Variants in MAPK8IP3 observed in about 807,000 individuals in gnomAD.
MAPK8IP3 encodes mitogen-activated protein kinase 8 interacting protein 3, also known as C-Jun-amino-terminal kinase-interacting protein 3.
In MAPK8IP3, 49 loss-of-function variants were observed where a neutral mutation model predicts 157.8. The ratio of observed to expected loss-of-function variants is 0.31; its 90% confidence interval spans 0.25 to 0.39. The LOEUF is 0.39. Among genes scored for constraint, MAPK8IP3 ranks in the 10% least tolerant of loss-of-function variants. The probability of loss-of-function intolerance (pLI) is 1.00; values close to 1 mark genes in which losing one functional copy is unlikely to be tolerated. For missense variants in MAPK8IP3, 1,478 were observed against 1,889.4 expected, an observed-to-expected ratio of 0.78 and a Z score of 4.04; for synonymous variants, 897 against 777.7, an observed-to-expected ratio of 1.15 and a Z score of -2.55.
intron 4 of MAPK8IP3, among the ~76,000 whole-genome samples, chr16:1,738,874 ACCAT>A (rs777520611): frequency 1.8e-4 from 23 of 124,342 alleles, no homozygotes; most frequent in South Asian, 2.8e-4. Context: ...TGTGAGTGTG[ACCAT>A]CCATGTGAGC....
intron 8 of MAPK8IP3, among the ~76,000 whole-genome samples, chr16:1,750,738 C>T (rs1033466909): frequency 2.6e-5 from 4 of 151,696 alleles, no homozygotes; most frequent in African/African-American, 9.7e-5. Context: ...TCTGCCTTCC[C>T]GGGTTGAAGC....
chr16:1,733,629 C>T (rs1335211685), intron 4 of MAPK8IP3, among the ~76,000 whole-genome samples: 3 of 152,210 alleles, frequency 2.0e-5, no homozygotes, highest in African/African-American at 4.8e-5. Flanking sequence ...CTGGGCGCCG[C>T]CCCCGTCCCT....
At chr16:1,749,370 C>T (rs1463564771) in intron 8 of MAPK8IP3, among the ~76,000 whole-genome samples, 2 of 152,178 alleles carry the variant, frequency 1.3e-5, no homozygotes, top group East Asian at 1.9e-4. Context: ...GGAGGGTGCC[C>T]GCTTCTCTGC....
Position 1,743,634 on chromosome 16 carries a change from TGTCAGGGGCTCA to T in MAPK8IP3, c.747+160_747+171del. On this transcript the variant is annotated intron_variant, in intron 5 of 31. Transcript: ENST00000610761. The surrounding 1 kb of genome is among the most constrained non-coding windows in gnomAD (Gnocchi z 5.6). ...GCAGGATGGAGAAACCCAGCCAGGG[TGTCAGGGGCTCA>T]GGCTGCCCAGCAGGCCCTGTGTGGC... is the stretch of plus-strand genomic sequence containing the variant. 6.9e-7 allele frequency: 1 copy of T among 1,445,994 alleles called. No individual in the cohort carries two copies. Among genetic ancestry groups the T allele is most frequent in the Non-Finnish European group, 9.0e-7 (1 of 1,107,222 alleles). The allele number at this position is 1,445,994 out of a possible 1,614,324, so 89.6% of individuals were successfully genotyped here.
In MAPK8IP3 at chr16:1,743,398, C is replaced by T. The variant is rs755264201; in HGVS notation, c.669C>T (p.Ile223=). 1.2e-5 allele frequency: 19 copies of T among 1,609,594 alleles called. No homozygotes were observed. The highest frequency in any genetic ancestry group is 5.0e-5 in the Admixed American group (3 of 59,550). Residue 223 remains isoleucine, a synonymous_variant, in exon 5 of 32, where the codon ATC becomes ATT. Transcript: ENST00000610761. The surrounding 1 kb of genome is among the most constrained non-coding windows in gnomAD (Gnocchi z 5.6). ...CTGACGGCACGGTACGTGCACAGAT[C>T]GGGGGCAAGCTCGTGCCTGCGGGGG... is the stretch of plus-strand genomic sequence containing the variant. ...PLADGTVRAQ[I]GGKLVPAGDH... is the part of the protein sequence containing the mutation.
At chr16:1,748,542 G>T in intron 7 of MAPK8IP3, 60 bp from the exon 8 acceptor site, 1 of 1,397,374 alleles carries the variant, frequency 7.2e-7, no homozygotes, top group African/African-American at 1.4e-5. Flanking sequence ...GTCTGCAGAC[G>T]CAGCCACTCC....
chr16:1,766,090 G>T lies in MAPK8IP3; in HGVS notation c.2577G>T (p.Pro859=), dbSNP rs777435050. ...GCTGTGCCACCCGCTGCAACGTGCC[G>T]CGGAGCAACTGCTCCTCCCGAGGGG... ...LVGCATRCNV[P]RSNCSSRGDT... is the part of the protein sequence containing the mutation. Residue 859 remains proline, a synonymous_variant, in exon 21 of 32, where the codon CCG becomes CCT. Transcript: ENST00000610761. 1 of 1,612,640 alleles carries T rather than the reference G, an allele frequency of 6.2e-7. No individual in the cohort carries two copies. Among genetic ancestry groups the T allele is most frequent in the Non-Finnish European group, 8.5e-7 (1 of 1,179,930 alleles).
chr16:1,706,802 G>C lies in MAPK8IP3; in HGVS notation c.318+145G>C. 1.3e-6 allele frequency: 1 copy of C among 787,198 alleles called. No homozygotes were observed. Among genetic ancestry groups the C allele is most frequent in the Non-Finnish European group, 1.8e-6 (1 of 541,538 alleles). The allele number at this position is 787,198 out of a possible 1,614,324, so 48.8% of individuals were successfully genotyped here. ...CCTGGACCCCCAGACCCCGCCCCGA[G>C]ACCCGCCTGGACCCCATATCCCCCG... On this transcript the variant is annotated intron_variant, in intron 1 of 31. Coordinates refer to ENST00000610761, the MANE Select transcript of MAPK8IP3 (RefSeq NM_001318852.2). The surrounding 1 kb of genome is among the most constrained non-coding windows in gnomAD (Gnocchi z 5.1).
In MAPK8IP3 at chr16:1,768,847, A is replaced by G. The variant is rs761546661; in HGVS notation, c.*23A>G. On this transcript the variant is annotated 3_prime_UTR_variant, in exon 32 of 32. Coordinates refer to ENST00000610761, the MANE Select transcript of MAPK8IP3 (RefSeq NM_001318852.2). The stretch of plus-strand genomic sequence containing the variant: ...TGAAGCTGCTGCCCTGCCTGGCCCG[A>G]CCTGTACATAGGACCCCCGACCACC... 3 of 1,609,674 alleles carry G rather than the reference A, an allele frequency of 1.9e-6. No homozygotes were observed. In the Admixed American group the frequency reaches 5.0e-5, roughly 27 times the overall value.
In MAPK8IP3 at chr16:1,767,904, T is replaced by C; in HGVS notation, c.3509T>C (p.Ile1170Thr). Reference protein sequence around the residue: ...VGTGNGVVISIPLTETVVLHR... With the variant: ...VGTGNGVVISTPLTETVVLHR... ...ACCGGCAACGGAGTGGTCATCTCCA[T>C]CCCCCTGACAGAGAGTGAGTGGCCT... Residue 1170 changes from isoleucine (I) to threonine (T), a missense_variant, in exon 28 of 32, where the codon ATC becomes ACC. Transcript: ENST00000610761. 1 of 1,610,726 alleles carries C rather than the reference T, an allele frequency of 6.2e-7. No individual in the cohort carries two copies. The highest frequency in any genetic ancestry group is 1.7e-5 in the Admixed American group (1 of 60,004).
chr16:1,708,700 G>A (rs939886261), intron 1 of MAPK8IP3, among the ~76,000 whole-genome samples: 2 of 152,084 alleles, frequency 1.3e-5, no homozygotes, highest in African/African-American at 2.4e-5. Context: ...CATTGCCCCA[G>A]CGCTTTAGAG....
chr16:1,707,702 G>C (rs1013872971), intron 1 of MAPK8IP3: 1 of 152,180 alleles, frequency 6.6e-6, no homozygotes, highest in Non-Finnish European at 1.5e-5. Context: ...CGCCTGCCTG[G>C]GGTTCGATTT....
Position 1,737,516 on chromosome 16 carries a change from G to A in MAPK8IP3, c.603-5816G>A, listed in dbSNP as rs200307061. ...TGAGCGTCCGTGTGAGCGTGTGACC[G>A]TCCGTGTGAGTGTGTGACCATTCGT... On this transcript the variant is annotated intron_variant, in intron 4 of 31. Transcript: ENST00000610761. Among the ~76,000 whole-genome samples the A allele has an allele frequency of 9.0e-4, 81 of 89,840 alleles. 6 individuals carry two copies. In the East Asian group the frequency reaches 0.016, roughly 18 times the overall value. 58.9% of individuals were successfully genotyped at this position (89,840 alleles called of 152,430 possible). A position where few individuals can be genotyped will look rare whatever the true frequency, so the allele number is the denominator to read the frequency against.
chr16:1,743,552 G>T lies in MAPK8IP3; in HGVS notation c.747+76G>T. 1 of 1,546,836 alleles carries T rather than the reference G, an allele frequency of 6.5e-7. No homozygotes were observed. Among genetic ancestry groups the T allele is most frequent in the East Asian group, 2.5e-5 (1 of 39,838 alleles). ...CCCCGTTCACTGGGGCGGGAGCCTCGTCTGCAGGCAGCCCTTCACGGCTCT... is the reference window on the plus strand; with the variant it reads ...CCCCGTTCACTGGGGCGGGAGCCTCTTCTGCAGGCAGCCCTTCACGGCTCT... On this transcript the variant is annotated intron_variant, in intron 5 of 31. Transcript: ENST00000610761. This position sits in a 1 kb window ranked among gnomAD's most constrained non-coding sequence, Gnocchi z 5.6.
At chr16:1,738,174 G>T (rs1176446152) in intron 4 of MAPK8IP3, among the ~76,000 whole-genome samples, 1 of 99,298 alleles carries the variant, frequency 1.0e-5, no homozygotes, top group Non-Finnish European at 2.0e-5. Context: ...GTGACCGTCC[G>T]TGTGAGCGTC....
rs769543116 is a variant in MAPK8IP3 at position 1,767,672 on chromosome 16, C to T, written c.3346C>T (p.His1116Tyr). Residue 1116 changes from histidine to tyrosine, a missense_variant, in exon 27 of 32, where the codon CAT becomes TAT. Physicochemically the swap from His to Tyr is moderately conservative, Grantham distance 83. Coordinates refer to ENST00000610761, the MANE Select transcript of MAPK8IP3 (RefSeq NM_001318852.2). ...CCTGGACTCCACCCTGAGGCTCTAC[C>T]ATGCACACACGCACCAGCATCTACA... Reference protein sequence around the residue: ...IRLDSTLRLYHAHTHQHLQDV... With the variant: ...IRLDSTLRLYYAHTHQHLQDV... 1 of 1,612,778 alleles carries T rather than the reference C, an allele frequency of 6.2e-7. No individual in the cohort carries two copies. The highest frequency in any genetic ancestry group is 8.5e-7 in the Non-Finnish European group (1 of 1,179,968).
At chr16:1,736,039 CGT>C (rs1406778592) in intron 4 of MAPK8IP3, among the ~76,000 whole-genome samples, 3 of 114,960 alleles carry the variant, frequency 2.6e-5, no homozygotes, top group South Asian at 4.0e-4. Context: ...TGTGAGCATC[CGT>C]GTGAGCGTGT....
At position 1,767,450 on chromosome 16, in the gene MAPK8IP3, G is replaced by A. The variant is rs925495944; in HGVS notation, c.3238-114G>A. ...AGGCTCGAACAGGCGCAAAGCAGGC[G>A]CTGGCTGGGAGGTCTGAGGGGACTG... On this transcript the variant is annotated intron_variant, in intron 26 of 31. Transcript: ENST00000610761. The A allele has an allele frequency of 8.6e-6, 13 of 1,503,466 alleles. No individual in the cohort carries two copies. In the Admixed American group the frequency reaches 1.4e-4, roughly 17 times the overall value. 93.1% of individuals were successfully genotyped at this position (1,503,466 alleles called of 1,614,324 possible).
rs897628367 is a variant in MAPK8IP3 at position 1,744,696 on chromosome 16, G to A, written c.747+1220G>A. On this transcript the variant is annotated intron_variant, in intron 5 of 31. Coordinates refer to ENST00000610761, the MANE Select transcript of MAPK8IP3 (RefSeq NM_001318852.2). ...GGGGAGCCCTTGCTTGACGCTCTCT[G>A]GCCTCCGGGCTGCCTCTCGCGCCCG... The A allele has an allele frequency of 4.1e-6, 4 of 985,504 alleles. 1 individual carries two copies. In the South Asian group the frequency reaches 1.9e-4, roughly 46 times the overall value. 61.0% of individuals were successfully genotyped at this position (985,504 alleles called of 1,614,324 possible).
Sources: allele counts gnomAD v4.1 joint callset (sites outside exome capture counted in the v4.1 genomes callset), GRCh38; gene constraint gnomAD v4.1.1; non-coding constraint Gnocchi (gnomAD v3.1); transcripts MANE v1.5; gene names NCBI Gene and HGNC (gene_info 2026-07-23, HGNC 2026-07-21).